ARHGAP35: variants seen among roughly 807,000 people sequenced by gnomAD.
The protein encoded by ARHGAP35 is Rho GTPase activating protein 35.
A neutral mutation model predicts 111.1 loss-of-function variants in ARHGAP35; 15 were observed. That is an observed-to-expected ratio of 0.13 (90% confidence interval 0.09 to 0.21). The LOEUF (loss-of-function observed/expected upper bound fraction) is 0.21. Among genes scored for constraint, ARHGAP35 ranks in the 10% least tolerant of loss-of-function variants. The pLI is 1.00. For missense variants in ARHGAP35, 1,262 were observed against 1,873.0 expected, an observed-to-expected ratio of 0.67 and a Z score of 6.02; for synonymous variants, 643 against 710.3, an observed-to-expected ratio of 0.91 and a Z score of 1.51.
At chr19:46,983,606 CTTTTTTT>C (rs11383795) in intron 3 of ARHGAP35, among the ~76,000 whole-genome samples, 3 of 69,268 alleles carry the variant, frequency 4.3e-5, no homozygotes, top group Non-Finnish European at 5.1e-5. Flanking sequence ...AATGTCCATT[CTTTTTTT>C]TTTTTTTTTT....
chr19:46,870,997 G>C (rs1599790789), intron 1 of ARHGAP35, among the ~76,000 whole-genome samples: 2 of 152,220 alleles, frequency 1.3e-5, no homozygotes, highest in Admixed American at 1.3e-4. Context: ...GAAATTATTT[G>C]AGAGTCTCTA....
At chr19:46,942,817 G>GAAAAAAAAAAAA (rs770589909) in intron 3 of ARHGAP35, among the ~76,000 whole-genome samples, 1 of 140,030 alleles carries the variant, frequency 7.1e-6, no homozygotes, top group Non-Finnish European at 1.5e-5. Context: ...CCCTGTCTCA[G>GAAAAAAAAAAAA]AAAAAAAAAA....
chr19:46,941,181 T>C (rs988168205), intron 3 of ARHGAP35, among the ~76,000 whole-genome samples: 7 of 152,200 alleles, frequency 4.6e-5, no homozygotes, highest in African/African-American at 1.7e-4. Flanking sequence ...CAGAATTTCT[T>C]AGTATTTCTT....
At chr19:46,980,730 C>T (rs908679576) in intron 3 of ARHGAP35, among the ~76,000 whole-genome samples, 1 of 152,176 alleles carries the variant, frequency 6.6e-6, no homozygotes, top group African/African-American at 2.4e-5. Context: ...TCATTTATTC[C>T]ATTGTACGGT....
intron 5 of ARHGAP35, among the ~76,000 whole-genome samples, chr19:46,990,392 A>G (rs1030140375): frequency 6.6e-6 from 1 of 152,192 alleles, no homozygotes; most frequent in African/African-American, 2.4e-5. Flanking sequence ...TTTGTGTAGT[A>G]CCACAGAGGA....
intron 3 of ARHGAP35, among the ~76,000 whole-genome samples, chr19:46,978,686 G>GAGGTGTGTGTGGTGGGAT (rs2056596504): frequency 1.2e-5 from 1 of 80,010 alleles, no homozygotes; most frequent in Non-Finnish European, 2.4e-5. Flanking sequence ...TGTGTGGTGG[G>GAGGTGTGTGTGGTGGGAT]ATGTGTGTGT....
intron 1 of ARHGAP35, among the ~76,000 whole-genome samples, chr19:46,884,819 C>A (rs2055985007): frequency 6.6e-6 from 1 of 152,132 alleles, no homozygotes; most frequent in South Asian, 2.1e-4. Flanking sequence ...CCTCGACTTT[C>A]TGGGCTCAAA....
At chr19:46,870,662 GAA>G (rs976071288) in intron 1 of ARHGAP35, among the ~76,000 whole-genome samples, 7 of 152,144 alleles carry the variant, frequency 4.6e-5, no homozygotes, top group Middle Eastern at 3.2e-3. Flanking sequence ...AGGAAGAAGA[GAA>G]AAAGACTCCT....
At position 46,999,927 on chromosome 19, in the gene ARHGAP35, C is replaced by T. The variant is rs994305225; in HGVS notation, c.4143-404C>T. The T allele has an allele frequency of 3.8e-5, 9 of 234,772 alleles. No homozygotes were observed. Among genetic ancestry groups the T allele is most frequent in the African/African-American group, 1.8e-4 (8 of 44,224 alleles). The allele number at this position is 234,772 out of a possible 1,614,324, so 14.5% of individuals were successfully genotyped here. A position where few individuals can be genotyped will look rare whatever the true frequency, so the allele number is the denominator to read the frequency against. ...GCAGGCGGGAGGCCGTATGGTTGTT[C>T]CCTGAAGTTCCATGTGTGTGGAGGA... On this transcript the variant is annotated intron_variant, in intron 6 of 6. Coordinates refer to ENST00000672722, the MANE Select transcript of ARHGAP35 (RefSeq NM_004491.5). This position sits in a 1 kb window ranked among gnomAD's most constrained non-coding sequence, Gnocchi z 5.4.
Position 46,920,730 on chromosome 19 carries a change from G to C in ARHGAP35, c.2055G>C (p.Thr685=). 1 of 1,612,840 alleles carries C rather than the reference G, an allele frequency of 6.2e-7. No homozygotes were observed. The highest frequency in any genetic ancestry group is 8.5e-7 in the Non-Finnish European group (1 of 1,179,384). Residue 685 remains threonine, a synonymous_variant, in exon 2 of 7, where the codon ACG becomes ACC. Transcript: ENST00000672722. The surrounding 1 kb of genome is among the most constrained non-coding windows in gnomAD (Gnocchi z 7.0). The stretch of plus-strand genomic sequence containing the variant: ...GTATAGAGAAGAGTAGAGAGTCCAC[G>C]CTGGGCCGGCGGGATAATCATTTAG... The part of the protein sequence containing the change: ...VESIEKSRES[T]LGRRDNHLVH...
Position 46,948,132 on chromosome 19 carries a change from G to A in ARHGAP35, c.3826+10724G>A, listed in dbSNP as rs538230461. The A allele has an allele frequency of 5.9e-5, 9 of 152,362 alleles. No individual in the cohort carries two copies. In the South Asian group the frequency reaches 1.2e-3, roughly 21 times the overall value. The allele number at this position is 152,362 out of a possible 1,614,324, so 9.4% of individuals were successfully genotyped here. ...GTCTTAAGACTCACAGTTGGAAGGT[G>A]GGGGAAGATTAGAGTCCTGCCTTGT... On this transcript the variant is annotated intron_variant, in intron 3 of 6. Transcript: ENST00000672722.
Position 46,988,141 on chromosome 19 carries a change from G to T in ARHGAP35, c.3904+75G>T. The T allele has an allele frequency of 7.0e-7, 1 of 1,432,784 alleles. No homozygotes were observed. The highest frequency in any genetic ancestry group is 9.7e-7 in the Non-Finnish European group (1 of 1,035,582). The allele number at this position is 1,432,784 out of a possible 1,614,324, so 88.8% of individuals were successfully genotyped here. ...ACACAGCTGCCTCGGTGAACTGTCT[G>T]TGGGGCTTCGGAGCACTCCTGCCAG... is the stretch of plus-strand genomic sequence containing the variant. On this transcript the variant is annotated intron_variant, in intron 4 of 6. Coordinates refer to ENST00000672722, the MANE Select transcript of ARHGAP35 (RefSeq NM_004491.5). This position sits in a 1 kb window ranked among gnomAD's most constrained non-coding sequence, Gnocchi z 5.4.
chr19:46,963,383 T>A (rs1317714053), intron 3 of ARHGAP35, among the ~76,000 whole-genome samples: 1 of 152,194 alleles, frequency 6.6e-6, no homozygotes, highest in Admixed American at 6.5e-5. Context: ...CAGCAGAAAA[T>A]TCCCATGTGG....
At chr19:46,959,352 G>A (rs1254452916) in intron 3 of ARHGAP35, among the ~76,000 whole-genome samples, 1 of 149,764 alleles carries the variant, frequency 6.7e-6, no homozygotes. Flanking sequence ...ACCACACCTA[G>A]CCAAAAATCT....
chr19:46,926,125 A>G lies in ARHGAP35; in HGVS notation c.3681+3769A>G, dbSNP rs113935123. 6.1e-3 allele frequency among the ~76,000 whole-genome samples: 923 copies of G among 152,286 alleles called. 5 individuals are homozygous for G. Among genetic ancestry groups the G allele is most frequent in the South Asian group, 0.02 (98 of 4,816 alleles). On this transcript the variant is annotated intron_variant, in intron 2 of 6. Coordinates refer to ENST00000672722, the MANE Select transcript of ARHGAP35 (RefSeq NM_004491.5). This position sits in a 1 kb window ranked among gnomAD's most constrained non-coding sequence, Gnocchi z 4.1. ...AAAAATAGCTATGCTCTGGGTACCA[A>G]TGTGATACAGAAAAAAATCACTCAG...
chr19:46,961,084 G>A (rs2122270195), intron 3 of ARHGAP35, among the ~76,000 whole-genome samples: 1 of 152,052 alleles, frequency 6.6e-6, no homozygotes, highest in South Asian at 2.1e-4. Context: ...TAGTAGAGAT[G>A]GGGTTTCACC....
At chr19:46,876,569 C>T (rs2055923193) in intron 1 of ARHGAP35, among the ~76,000 whole-genome samples, 1 of 152,054 alleles carries the variant, frequency 6.6e-6, no homozygotes, top group Admixed American at 6.6e-5. Flanking sequence ...GACGGGGTTT[C>T]ACCATATTGG....
Position 46,982,281 on chromosome 19 carries a change from A to C in ARHGAP35, c.3827-5708A>C, listed in dbSNP as rs369548279. Among the ~76,000 whole-genome samples the C allele has an allele frequency of 3.5e-4, 53 of 152,276 alleles. No individual in the cohort carries two copies. In the East Asian group the frequency reaches 0.01, roughly 29 times the overall value. On this transcript the variant is annotated intron_variant, in intron 3 of 6. Coordinates refer to ENST00000672722, the MANE Select transcript of ARHGAP35 (RefSeq NM_004491.5). ...CACTTGAGTTCAAAAGTTTGAGACC[A>C]GTCTAGCCAACATGGCAAAACCCCA...
At chr19:46,935,078 AT>A in intron 2 of ARHGAP35, among the ~76,000 whole-genome samples, 1 of 152,312 alleles carries the variant, frequency 6.6e-6, no homozygotes, top group East Asian at 1.9e-4. Context: ...GTTAATTGGC[AT>A]TTCCTTACTT....
Sources: allele counts gnomAD v4.1 joint callset (sites outside exome capture counted in the v4.1 genomes callset), GRCh38; gene constraint gnomAD v4.1.1; non-coding constraint Gnocchi (gnomAD v3.1); transcripts MANE v1.5; gene names NCBI Gene and HGNC (gene_info 2026-07-23, HGNC 2026-07-21).